Variants in ROBO1 observed in about 807,000 individuals in gnomAD.
ROBO1 encodes roundabout guidance receptor 1.
ROBO1 carries 149 observed loss-of-function variants against 195.9 expected under a neutral mutation model. The observed-to-expected ratio is 0.76, with a 90% CI of 0.67 to 0.87. The LOEUF is 0.87. Among genes scored for constraint, ROBO1 ranks in the 40% least tolerant of loss-of-function variants. The probability of loss-of-function intolerance (pLI) is 0.00; values close to 1 mark genes in which losing one functional copy is unlikely to be tolerated. For missense variants in ROBO1, 1,933 were observed against 2,068.3 expected, an observed-to-expected ratio of 0.93 and a Z score of 1.27; for synonymous variants, 816 against 733.2, an observed-to-expected ratio of 1.11 and a Z score of -1.82.
intron 5 of ROBO1, among the ~76,000 whole-genome samples, chr3:78,741,847 T>C (rs1159507715): frequency 6.6e-6 from 1 of 152,144 alleles, no homozygotes; most frequent in African/African-American, 2.4e-5. Context: ...GAAAGAACAC[T>C]AGAGACAAAC....
chr3:79,038,864 G>C lies in ROBO1; in HGVS notation c.172+86592C>G, dbSNP rs140085268. Reference sequence around the variant, plus strand: ...AGCATTTCCTATGGCCAGGAAGAAAGACTCACAAGCACATGCCCAAATCAA... The same window carrying C: ...AGCATTTCCTATGGCCAGGAAGAAACACTCACAAGCACATGCCCAAATCAA... On this transcript the variant is annotated intron_variant, in intron 3 of 30. Coordinates refer to ENST00000464233, the MANE Select transcript of ROBO1 (RefSeq NM_002941.4). Among the ~76,000 whole-genome samples the C allele has an allele frequency of 2.6e-4, 39 of 152,234 alleles. No individual in the cohort carries two copies. In the East Asian group the frequency reaches 7.5e-3, roughly 29 times the overall value.
chr3:79,388,740 G>C (rs1275628937), intron 2 of ROBO1, among the ~76,000 whole-genome samples: 1 of 152,006 alleles, frequency 6.6e-6, no homozygotes, highest in African/African-American at 2.4e-5. Flanking sequence ...TGAATATACA[G>C]AGAGAAACTA....
At chr3:79,076,883 T>G (rs943512153) in intron 3 of ROBO1, among the ~76,000 whole-genome samples, 1 of 151,818 alleles carries the variant, frequency 6.6e-6, no homozygotes, top group African/African-American at 2.4e-5. Context: ...AATAGACAAT[T>G]TTTCATATTT....
At chr3:78,705,016 G>A (rs2107969915) in intron 8 of ROBO1, among the ~76,000 whole-genome samples, 1 of 152,260 alleles carries the variant, frequency 6.6e-6, no homozygotes, top group East Asian at 1.9e-4. Flanking sequence ...TTATTTCTGA[G>A]TACAGTATAT....
intron 1 of ROBO1, among the ~76,000 whole-genome samples, chr3:79,765,302 T>C (rs887632547): frequency 1.3e-5 from 2 of 152,162 alleles, no homozygotes; most frequent in Non-Finnish European, 2.9e-5. Flanking sequence ...TTATCCCTCA[T>C]GGGAGAGGTA....
Position 79,345,044 on chromosome 3 carries a change from C to T in ROBO1, c.89-219505G>A, listed in dbSNP as rs147088879. Among the ~76,000 whole-genome samples the T allele has an allele frequency of 7.2e-5, 11 of 152,244 alleles. No individual in the cohort carries two copies. In the East Asian group the frequency reaches 1.9e-3, roughly 27 times the overall value. ...CAATTAAACCTCTTTCCTTTAGAAA[C>T]TACACAGTCTCAGGTATTTCCTTAT... is the stretch of plus-strand genomic sequence containing the variant. On this transcript the variant is annotated intron_variant, in intron 2 of 30. Transcript: ENST00000464233.
intron 1 of ROBO1, among the ~76,000 whole-genome samples, chr3:79,620,463 G>A (rs1010943924): frequency 1.2e-4 from 19 of 152,062 alleles, no homozygotes; most frequent in African/African-American, 4.6e-4. Flanking sequence ...TGTGGGTATC[G>A]ACGGCCAGGC....
Position 78,850,785 on chromosome 3 carries a change from TTTTC to T in ROBO1, c.499+87812_499+87815del, listed in dbSNP as rs541005753. ...TAAATTACACCTGTTATTTTCTTTC[TTTTC>T]TTTGTTTCTTTTCTTTTCTTTTTTT... On this transcript the variant is annotated intron_variant, in intron 4 of 30. Transcript: ENST00000464233. Among the ~76,000 whole-genome samples the T allele has an allele frequency of 4.5e-3, 687 of 152,018 alleles. 2 individuals carry two copies. Among genetic ancestry groups the T allele is most frequent in the Middle Eastern group, 0.014 (4 of 294 alleles).
intron 26 of ROBO1, among the ~76,000 whole-genome samples, chr3:78,622,358 ATG>A (rs1222390845): frequency 6.6e-6 from 1 of 152,198 alleles, no homozygotes; most frequent in Non-Finnish European, 1.5e-5. Context: ...ATAAATATAA[ATG>A]TAATCAATGT....
At chr3:79,757,039 C>T (rs1310893756) in intron 1 of ROBO1, among the ~76,000 whole-genome samples, 1 of 151,916 alleles carries the variant, frequency 6.6e-6, no homozygotes, top group Admixed American at 6.6e-5. Context: ...CATAATAGAT[C>T]ATTGTTTGTT....
chr3:79,325,492 A>G (rs78231030), intron 2 of ROBO1, among the ~76,000 whole-genome samples: 11,253 of 152,304 alleles, frequency 0.074, 460 homozygotes, highest in African/African-American at 0.096. Flanking sequence ...TGTGAAAAAA[A>G]TATCACATGC....
chr3:79,749,615 G>T (rs1704039280), intron 1 of ROBO1, among the ~76,000 whole-genome samples: 1 of 152,156 alleles, frequency 6.6e-6, no homozygotes, highest in African/African-American at 2.4e-5. Flanking sequence ...TAGGGACTTG[G>T]TGCCCCGTGT....
intron 2 of ROBO1, among the ~76,000 whole-genome samples, chr3:79,512,473 C>G (rs1940758294): frequency 6.6e-6 from 1 of 152,106 alleles, no homozygotes; most frequent in South Asian, 2.1e-4. Context: ...CCTGCGAACT[C>G]GTTACGTGCT....
chr3:79,621,482 C>T (rs1171917589), intron 1 of ROBO1, among the ~76,000 whole-genome samples: 2 of 152,228 alleles, frequency 1.3e-5, no homozygotes, highest in Middle Eastern at 3.4e-3. Context: ...CAATAATCAA[C>T]ATGAAGGAAA....
chr3:79,748,335 A>T (rs1703963127), intron 1 of ROBO1, among the ~76,000 whole-genome samples: 1 of 152,194 alleles, frequency 6.6e-6, no homozygotes, highest in Non-Finnish European at 1.5e-5. Flanking sequence ...AAATATTTTT[A>T]AATGAATCTG....
intron 2 of ROBO1, among the ~76,000 whole-genome samples, chr3:79,569,731 G>GTT (rs1442007376): frequency 3.3e-5 from 5 of 150,434 alleles, no homozygotes; most frequent in Non-Finnish European, 5.9e-5. Context: ...GTGTGTGTAT[G>GTT]TGTATATATA....
chr3:78,906,360 T>A (rs1057322479), intron 4 of ROBO1, among the ~76,000 whole-genome samples: 10 of 152,136 alleles, frequency 6.6e-5, no homozygotes, highest in African/African-American at 2.4e-4. Context: ...ATGGGACCAA[T>A]GGTGCCTTAC....
intron 2 of ROBO1, among the ~76,000 whole-genome samples, chr3:79,181,811 A>G (rs184023213): frequency 1.3e-5 from 2 of 151,950 alleles, no homozygotes; most frequent in East Asian, 3.9e-4. Flanking sequence ...CAGTAGTCCC[A>G]GCTACTTGGG....
intron 3 of ROBO1, among the ~76,000 whole-genome samples, chr3:79,095,017 C>T (rs1354614839): frequency 6.6e-6 from 1 of 151,582 alleles, no homozygotes; most frequent in Non-Finnish European, 1.5e-5. Context: ...ATCAGACATC[C>T]TGAGATGCAC....
Sources: gnomAD v4.1 joint callset for allele counts (sites outside exome capture counted in the v4.1 genomes callset) on GRCh38, gnomAD v4.1.1 for gene constraint, MANE v1.5 for transcripts, NCBI Gene and HGNC (gene_info 2026-07-23, HGNC 2026-07-21) for gene names.